Variants in LIPA observed in about 807,000 individuals in gnomAD.
LIPA encodes lipase A, lysosomal acid type.
A neutral mutation model predicts 40.6 loss-of-function variants in LIPA; 26 were observed. The ratio of observed to expected loss-of-function variants is 0.64; its 90% confidence interval spans 0.47 to 0.89. The LOEUF (loss-of-function observed/expected upper bound fraction) is 0.89. LIPA is among the 40% of genes least tolerant of loss of function. The pLI is 0.00. For synonymous variants in LIPA, 188 were observed against 168.4 expected (o/e 1.12, Z -0.90); for missense variants, 455 against 479.6 (o/e 0.95, Z 0.48).
chr10:89,229,200 C>T (rs1248580718), intron 3 of LIPA, among the ~76,000 whole-genome samples: 4 of 152,052 alleles, frequency 2.6e-5, no homozygotes, highest in African/African-American at 9.7e-5. Context: ...TATCAAGCCA[C>T]AAAAAGATGT....
At chr10:89,287,812 T>C (rs568375800) in intron 1 of LIPA, among the ~76,000 whole-genome samples, 2 of 152,148 alleles carry the variant, frequency 1.3e-5, no homozygotes, top group African/African-American at 4.8e-5. Flanking sequence ...ACCAGACAGG[T>C]CTTACAGGTT....
rs561846631 is a variant in LIPA, at chr10:89,360,690, C to T, written c.61+52101G>A. On this transcript the variant is annotated intron_variant, in intron 2 of 8. Transcript: ENST00000371837. ...CAGGCATGAGCCACTGCACCTGGCT[C>T]GTTCCCCATCAAACATGGGGATTCC... Among the ~76,000 whole-genome samples the T allele has an allele frequency of 4.6e-5, 7 of 152,334 alleles. No homozygotes were observed. The East Asian group carries it at 5.8e-4, about 13-fold the overall frequency.
chr10:89,291,443 G>C (rs921574594), intron 1 of LIPA, among the ~76,000 whole-genome samples: 1 of 152,144 alleles, frequency 6.6e-6, no homozygotes, highest in African/African-American at 2.4e-5. Context: ...CACACCCTGA[G>C]ATTCTTCCAT....
intron 1 of LIPA, chr10:89,339,280 G>T (rs142127477): frequency 1.9e-6 from 3 of 1,614,012 alleles, no homozygotes; most frequent in Non-Finnish European, 2.5e-6. Context: ...TAACCAATAC[G>T]TCAAGGTTCT....
intron 1 of LIPA, among the ~76,000 whole-genome samples, chr10:89,320,684 CA>C (rs545173472): frequency 1.8e-4 from 28 of 152,320 alleles, no homozygotes; most frequent in African/African-American, 5.1e-4. Context: ...ATCAAACTAC[CA>C]ATGACTTTCT....
intron 2 of LIPA, chr10:89,384,939 C>T (rs1308986561): frequency 1.8e-6 from 1 of 542,664 alleles, no homozygotes; most frequent in African/African-American, 1.9e-5. Context: ...CCTTGTGGCA[C>T]CAGACATAAG....
intron 2 of LIPA, among the ~76,000 whole-genome samples, chr10:89,354,104 AGG>A: frequency 6.6e-6 from 1 of 152,204 alleles, no homozygotes; most frequent in Non-Finnish European, 1.5e-5. Context: ...GCAAGAATTA[AGG>A]TTGCTGCAGA....
chr10:89,242,179 T>C (rs1359061880), intron 3 of LIPA, among the ~76,000 whole-genome samples: 2 of 152,238 alleles, frequency 1.3e-5, no homozygotes, highest in African/African-American at 4.8e-5. Flanking sequence ...CCCTATGAAG[T>C]GTAATTTCTG....
At chr10:89,328,099 T>C in intron 1 of LIPA, 1 of 1,612,976 alleles carries the variant, frequency 6.2e-7, no homozygotes, top group Non-Finnish European at 8.5e-7. Context: ...TAAGAATGCA[T>C]AATCATGCTT....
intron 1 of LIPA, among the ~76,000 whole-genome samples, chr10:89,333,439 T>C: frequency 6.6e-6 from 1 of 152,158 alleles, no homozygotes; most frequent in Middle Eastern, 3.2e-3. Flanking sequence ...AATCCTCTCT[T>C]CCTTAAATGC....
At chr10:89,363,334 G>A (rs2133593213) in intron 2 of LIPA, 1 of 152,344 alleles carries the variant, frequency 6.6e-6, no homozygotes, top group Middle Eastern at 3.4e-3. Flanking sequence ...GGTATGCAGA[G>A]GGAGGTGAAC....
intron 1 of LIPA, chr10:89,327,807 C>G: frequency 4.2e-6 from 2 of 474,794 alleles, no homozygotes; most frequent in South Asian, 5.6e-5. Context: ...ATAACGTACT[C>G]TGGCTCAGCC....
chr10:89,394,546 T>C (rs1844305113), intron 2 of LIPA, among the ~76,000 whole-genome samples: 1 of 147,848 alleles, frequency 6.8e-6, no homozygotes, highest in South Asian at 2.1e-4. Context: ...TTTTCCTGCT[T>C]TTATGTTTAT....
chr10:89,315,533 C>G (rs1449218548), intron 1 of LIPA, among the ~76,000 whole-genome samples: 2 of 151,778 alleles, frequency 1.3e-5, no homozygotes, highest in African/African-American at 4.8e-5. Context: ...ACTATACTCC[C>G]TAGGTTTTTA....
chr10:89,215,219 C>T (rs916036017), intron 9 of LIPA, among the ~76,000 whole-genome samples, 158 bp from the exon 10 acceptor site: 6 of 152,038 alleles, frequency 3.9e-5, no homozygotes, highest in Non-Finnish European at 7.4e-5. Context: ...TTGCCATTAC[C>T]GGCACAAAAA....
chr10:89,362,418 A>T (rs944720705), intron 2 of LIPA: 1 of 159,412 alleles, frequency 6.3e-6, no homozygotes, highest in Admixed American at 6.5e-5. Flanking sequence ...GAAGAGATCC[A>T]GTTCGTGGAC....
chr10:89,383,866 G>T, intron 2 of LIPA: 1 of 1,614,150 alleles, frequency 6.2e-7, no homozygotes, highest in South Asian at 1.1e-5. Flanking sequence ...CGCAATCACC[G>T]TCTATCGCCT....
intron 1 of LIPA, among the ~76,000 whole-genome samples, chr10:89,299,754 A>C (rs753277864): frequency 2.1e-5 from 3 of 140,804 alleles, no homozygotes; most frequent in Non-Finnish European, 4.5e-5. Context: ...GCTATTATTA[A>C]AAAAAAAAAT....
intron 1 of LIPA, among the ~76,000 whole-genome samples, chr10:89,259,830 T>C (rs566345288): frequency 1.2e-4 from 19 of 152,334 alleles, no homozygotes; most frequent in African/African-American, 4.6e-4. Context: ...ATAGAAATTG[T>C]AAATTAGTCT....
Sources: allele counts gnomAD v4.1 joint callset (sites outside exome capture counted in the v4.1 genomes callset), GRCh38; gene constraint gnomAD v4.1.1; transcripts MANE v1.5; gene names NCBI Gene and HGNC (gene_info 2026-07-23, HGNC 2026-07-21).